The following ZNF704 variants were observed in gnomAD, a reference collection of about 807,000 sequenced individuals.
ZNF704 encodes the protein glucocorticoid induced gene 1.
ZNF704 carries 10 observed loss-of-function variants against 44.7 expected under a neutral mutation model. That is an observed-to-expected ratio of 0.22 (90% confidence interval 0.14 to 0.38). ZNF704 has a LOEUF of 0.38. Ranked by LOEUF, ZNF704 falls within the 10% of genes least tolerant of loss-of-function variation. The probability of loss-of-function intolerance (pLI) is 1.00; values close to 1 mark genes in which losing one functional copy is unlikely to be tolerated. For synonymous variants in ZNF704, 211 were observed against 207.6 expected (o/e 1.02, Z -0.14); for missense variants, 390 against 545.5 (o/e 0.71, Z 2.84).
chr8:80,848,122 GA>G (rs1336783511), intron 1 of ZNF704, among the ~76,000 whole-genome samples: 2 of 152,180 alleles, frequency 1.3e-5, no homozygotes, highest in Non-Finnish European at 2.9e-5. Context: ...TATGGGGCAT[GA>G]AAACAGCCAA....
intron 6 of ZNF704, 120 bp downstream of exon 6, chr8:80,664,695 C>T (rs950237989): frequency 5.6e-6 from 7 of 1,241,866 alleles, no homozygotes; most frequent in South Asian, 4.2e-5. Flanking sequence ...AAAATCAAAG[C>T]TACCGGGCTG....
chr8:80,827,180 C>A (rs528485970), intron 1 of ZNF704, among the ~76,000 whole-genome samples: 73 of 152,300 alleles, frequency 4.8e-4, no homozygotes, highest in African/African-American at 1.3e-3. Flanking sequence ...AAAACCCCAT[C>A]ATCTCAGCCC....
At chr8:80,760,499 T>C (rs1298882558) in intron 2 of ZNF704, among the ~76,000 whole-genome samples, 1 of 151,432 alleles carries the variant, frequency 6.6e-6, no homozygotes, top group Non-Finnish European at 1.5e-5. Flanking sequence ...CTACTAAAAA[T>C]ACAAAAATTG....
At chr8:80,722,698 T>C (rs572096547) in intron 2 of ZNF704, among the ~76,000 whole-genome samples, 1 of 152,324 alleles carries the variant, frequency 6.6e-6, no homozygotes, top group South Asian at 2.1e-4. Context: ...AAATAATGCA[T>C]TTTTAGACTC....
At chr8:80,751,821 C>T (rs997751199) in intron 2 of ZNF704, among the ~76,000 whole-genome samples, 5 of 152,182 alleles carry the variant, frequency 3.3e-5, no homozygotes, top group African/African-American at 9.7e-5. Context: ...GGTCTTGGCT[C>T]ACTGCAACCT....
chr8:80,792,477 T>A (rs1465925239), intron 2 of ZNF704, among the ~76,000 whole-genome samples: 3 of 152,172 alleles, frequency 2.0e-5, no homozygotes, highest in Admixed American at 6.6e-5. Context: ...ATATAATCCC[T>A]TCCCCTTGAG....
At chr8:80,864,810 A>T (rs570026023) in intron 1 of ZNF704, among the ~76,000 whole-genome samples, 38 of 152,350 alleles carry the variant, frequency 2.5e-4, no homozygotes, top group African/African-American at 8.9e-4. Flanking sequence ...AGGTGACATC[A>T]CTTTATTTCC....
chr8:80,813,739 C>G (rs528483274), intron 2 of ZNF704, among the ~76,000 whole-genome samples: 1 of 151,938 alleles, frequency 6.6e-6, no homozygotes, highest in Non-Finnish European at 1.5e-5. Context: ...ATTAGCCAGG[C>G]GTGGTGGTGG....
intron 2 of ZNF704, among the ~76,000 whole-genome samples, chr8:80,730,481 G>A (rs1232897299): frequency 7.0e-6 from 1 of 143,122 alleles, no homozygotes; most frequent in Non-Finnish European, 1.5e-5. Flanking sequence ...GGAGGTTGCA[G>A]TGAGCCGAGG....
chr8:80,822,000 T>G (rs1163103882), intron 1 of ZNF704, among the ~76,000 whole-genome samples: 2 of 152,254 alleles, frequency 1.3e-5, no homozygotes, highest in Non-Finnish European at 2.9e-5. Context: ...AGAAGAGAGC[T>G]AATGTATAAA....
At position 80,629,112 on chromosome 8, in the gene ZNF704, T is replaced by C. The variant is rs1817546110; in HGVS notation, c.*12254A>G. ...TGGAAAGCAAAAGAAATTCAAAAAA[T>C]TGTTTTAGAGAACAGCATTTAGAAA... On this transcript the variant is annotated 3_prime_UTR_variant, in exon 9 of 9. Coordinates refer to ENST00000327835, the MANE Select transcript of ZNF704 (RefSeq NM_001033723.3). The C allele has an allele frequency of 6.6e-6, 1 of 152,114 alleles. No homozygotes were observed. The highest frequency in any genetic ancestry group is 2.4e-5 in the African/African-American group (1 of 41,414). The allele number at this position is 152,114 out of a possible 1,614,324, so 9.4% of individuals were successfully genotyped here. A position where few individuals can be genotyped will look rare whatever the true frequency, so the allele number is the denominator to read the frequency against.
At chr8:80,739,985 C>T (rs909081860) in intron 2 of ZNF704, among the ~76,000 whole-genome samples, 5 of 152,092 alleles carry the variant, frequency 3.3e-5, no homozygotes, top group African/African-American at 1.2e-4. Flanking sequence ...TCACAGAACC[C>T]CGGGTATGCT....
chr8:80,851,272 G>C (rs1467746313), intron 1 of ZNF704, among the ~76,000 whole-genome samples: 2 of 152,108 alleles, frequency 1.3e-5, no homozygotes, highest in African/African-American at 4.8e-5. Context: ...ACATGCAAAT[G>C]TATGTTTATA....
intron 3 of ZNF704, among the ~76,000 whole-genome samples, chr8:80,688,851 G>A (rs530869084): frequency 1.3e-5 from 2 of 151,966 alleles, no homozygotes; most frequent in African/African-American, 4.8e-5. Flanking sequence ...CCCAGCTACT[G>A]GGGGAGCTGA....
chr8:80,810,519 T>C (rs1253888812), intron 2 of ZNF704, among the ~76,000 whole-genome samples: 3 of 152,220 alleles, frequency 2.0e-5, no homozygotes, highest in Admixed American at 1.3e-4. Context: ...TTCAGTGTGA[T>C]AACTGTGGTC....
At chr8:80,854,437 T>C (rs1403262638) in intron 1 of ZNF704, among the ~76,000 whole-genome samples, 4 of 152,236 alleles carry the variant, frequency 2.6e-5, no homozygotes, top group Admixed American at 6.5e-5. Flanking sequence ...TCCAACTCAC[T>C]GGGCACTGTA....
At chr8:80,796,863 TGAAAGAGA>T (rs1256605074) in intron 2 of ZNF704, among the ~76,000 whole-genome samples, 2 of 106,750 alleles carry the variant, frequency 1.9e-5, no homozygotes, top group African/African-American at 4.2e-5. Context: ...AAAAGAGAAA[TGAAAGAGA>T]GAAAGAGAGA....
chr8:80,825,110 A>G (rs1209213959), intron 1 of ZNF704, among the ~76,000 whole-genome samples: 1 of 152,242 alleles, frequency 6.6e-6, no homozygotes, highest in African/African-American at 2.4e-5. Context: ...AAATGCTCCA[A>G]TTAAAGGACA....
intron 2 of ZNF704, among the ~76,000 whole-genome samples, chr8:80,757,837 C>T (rs977321541): frequency 6.6e-6 from 1 of 152,224 alleles, no homozygotes; most frequent in Non-Finnish European, 1.5e-5. Flanking sequence ...CTGGGAGCAA[C>T]AGGCTAGACC....
Sources: allele counts gnomAD v4.1 joint callset (sites outside exome capture counted in the v4.1 genomes callset), GRCh38; gene constraint gnomAD v4.1.1; transcripts MANE v1.5; gene names NCBI Gene and HGNC (gene_info 2026-07-23, HGNC 2026-07-21).